The following CACNA2D3 variants were observed in gnomAD, a reference collection of about 807,000 sequenced individuals.
CACNA2D3 encodes calcium voltage-gated channel auxiliary subunit alpha2delta 3, also known as voltage-dependent calcium channel subunit alpha-2/delta-3.
In CACNA2D3, 60 loss-of-function variants were observed where a neutral mutation model predicts 160.6. The observed-to-expected ratio is 0.37, with a 90% CI of 0.30 to 0.46. CACNA2D3 has a LOEUF of 0.46. Among genes scored for constraint, CACNA2D3 ranks in the 20% least tolerant of loss-of-function variants. The probability of loss-of-function intolerance (pLI) is 1.00; values close to 1 mark genes in which losing one functional copy is unlikely to be tolerated. For missense variants in CACNA2D3, 1,205 were observed against 1,365.0 expected, an observed-to-expected ratio of 0.88 and a Z score of 1.85; for synonymous variants, 558 against 492.9, an observed-to-expected ratio of 1.13 and a Z score of -1.75.
intron 2 of CACNA2D3, among the ~76,000 whole-genome samples, chr3:54,214,677 G>C (rs112421743): frequency 8.5e-5 from 13 of 152,306 alleles, no homozygotes; most frequent in African/African-American, 2.9e-4. Context: ...AGGGTGTGGA[G>C]AGGATGCCCC....
intron 10 of CACNA2D3, among the ~76,000 whole-genome samples, chr3:54,635,375 A>G (rs1020714862): frequency 4.6e-5 from 7 of 152,116 alleles, no homozygotes; most frequent in Middle Eastern, 3.4e-3. Context: ...GCACCAGGAG[A>G]TATCAGCTAT....
Position 54,816,869 on chromosome 3 carries a change from A to G in CACNA2D3, c.1397A>G (p.Lys466Arg). Residue 466 changes from lysine (K) to arginine (R), a missense_variant and splice_region_variant, in exon 14 of 38, where the codon AAG (lysine) becomes AGG (arginine). Lys to Arg is a conservative substitution (Grantham distance 26, BLOSUM62 2). Around this residue, in one of 3 missense-constraint regions of CACNA2D3, gnomAD observed 911 missense variants for 1,002.2 expected, o/e 0.91. Transcript: ENST00000474759. ...YIDSTLPQAQ[K>R]LTDDQGPVLM... Reference sequence around the variant, plus strand: ...CCCCTTCAGCTCCCTCAGGCACAAAAGGTAAATTCTCTTCTGTCACATTCC... The same window carrying G: ...CCCCTTCAGCTCCCTCAGGCACAAAGGGTAAATTCTCTTCTGTCACATTCC... The G allele has an allele frequency of 6.2e-7, 1 of 1,613,828 alleles. No homozygotes were observed.
intron 11 of CACNA2D3, among the ~76,000 whole-genome samples, chr3:54,735,418 A>G (rs928633554): frequency 3.3e-5 from 5 of 152,198 alleles, no homozygotes; most frequent in Admixed American, 1.3e-4. Context: ...GTGAAATGCA[A>G]TGAAGGTTGA....
chr3:54,783,385 C>A (rs2107133589), intron 13 of CACNA2D3, among the ~76,000 whole-genome samples: 1 of 152,262 alleles, frequency 6.6e-6, no homozygotes, highest in Non-Finnish European at 1.5e-5. Flanking sequence ...GCAGGCAGAT[C>A]ACTTGAGGTC....
At chr3:54,988,023 G>A (rs1702655141) in intron 31 of CACNA2D3, among the ~76,000 whole-genome samples, 1 of 152,206 alleles carries the variant, frequency 6.6e-6, no homozygotes, top group Non-Finnish European at 1.5e-5. Flanking sequence ...GCACTGTGAT[G>A]TGATTATGTC....
At chr3:54,702,747 A>C (rs1700789593) in intron 11 of CACNA2D3, among the ~76,000 whole-genome samples, 1 of 152,198 alleles carries the variant, frequency 6.6e-6, no homozygotes, top group South Asian at 2.1e-4. Flanking sequence ...GTATACCCAA[A>C]AGAATATAAA....
intron 10 of CACNA2D3, among the ~76,000 whole-genome samples, chr3:54,628,533 T>C (rs1699170973): frequency 6.6e-6 from 1 of 152,216 alleles, no homozygotes. Context: ...ACAGCATTTT[T>C]CTGGCTGCTG....
intron 13 of CACNA2D3, among the ~76,000 whole-genome samples, chr3:54,815,265 G>T (rs1703421790): frequency 6.6e-6 from 1 of 152,156 alleles, no homozygotes; most frequent in Non-Finnish European, 1.5e-5. Context: ...TAAGATAAAA[G>T]TGTTGGAAAT....
intron 27 of CACNA2D3, chr3:54,928,220 A>T (rs1701083487): frequency 2.4e-6 from 1 of 419,480 alleles, no homozygotes; most frequent in African/African-American, 2.0e-5. Context: ...TCAGACGATG[A>T]GCCGCGTAAA....
chr3:54,191,047 C>CAAAAA (rs35592309), intron 2 of CACNA2D3, among the ~76,000 whole-genome samples: 1 of 103,600 alleles, frequency 9.7e-6, no homozygotes, highest in Non-Finnish European at 2.1e-5. Flanking sequence ...TAGGTGGAAG[C>CAAAAA]AAAAAAAAAA....
At chr3:54,551,616 G>A (rs1206343376) in intron 5 of CACNA2D3, among the ~76,000 whole-genome samples, 1 of 152,196 alleles carries the variant, frequency 6.6e-6, no homozygotes, top group Admixed American at 6.5e-5. Context: ...GGCCAGATCA[G>A]AATGGTGTGA....
chr3:54,554,868 C>CTTTTTTTTT (rs1248489904), intron 5 of CACNA2D3, among the ~76,000 whole-genome samples: 1 of 88,172 alleles, frequency 1.1e-5, no homozygotes, highest in Admixed American at 1.5e-4. Flanking sequence ...CTCTCTCACT[C>CTTTTTTTTT]TCTTTTTTTT....
Position 54,808,101 on chromosome 3 carries a change from T to A in CACNA2D3, c.1381-8752T>A, listed in dbSNP as rs1703182646. Among the ~76,000 whole-genome samples the A allele has an allele frequency of 5.3e-5, 8 of 150,050 alleles. No individual in the cohort carries two copies. The South Asian group carries it at 1.7e-3, about 32-fold the overall frequency. On this transcript the variant is annotated intron_variant, in intron 13 of 37. Transcript: ENST00000474759. ...GGATAGCATTAGGAGATATACCTAA[T>A]GCTAAATGATGAGTTAATGGGTGCA...
intron 2 of CACNA2D3, among the ~76,000 whole-genome samples, chr3:54,257,118 T>C (rs1702312576): frequency 1.3e-5 from 2 of 152,224 alleles, no homozygotes; most frequent in Admixed American, 1.3e-4. Context: ...AGTGATGGAA[T>C]AGTCCATTAG....
At chr3:54,471,246 C>G (rs573778032) in intron 4 of CACNA2D3, among the ~76,000 whole-genome samples, 3 of 152,174 alleles carry the variant, frequency 2.0e-5, no homozygotes, top group Non-Finnish European at 4.4e-5. Context: ...GATTAAGAAA[C>G]TCACTCAAAA....
chr3:54,572,535 G>A (rs1313517907), intron 8 of CACNA2D3, among the ~76,000 whole-genome samples: 4 of 152,166 alleles, frequency 2.6e-5, no homozygotes, highest in East Asian at 1.9e-4. Context: ...AAGGTGGCAC[G>A]GTGAAGGCTC....
rs139064355 is a variant in CACNA2D3, at chr3:54,583,704, G to T, written c.963+1827G>T. 3.0e-3 allele frequency among the ~76,000 whole-genome samples: 459 copies of T among 152,232 alleles called. 4 individuals are homozygous for T. Among genetic ancestry groups the T allele is most frequent in the African/African-American group, 0.011 (438 of 41,544 alleles). Reference sequence around the variant, plus strand: ...TTCTCAAAAAGTTTCAGATTTTGGAGAATTTCATATTTTGGATCTTGGATT... The same window carrying T: ...TTCTCAAAAAGTTTCAGATTTTGGATAATTTCATATTTTGGATCTTGGATT... On this transcript the variant is annotated intron_variant, in intron 9 of 37. Coordinates refer to ENST00000474759, the MANE Select transcript of CACNA2D3 (RefSeq NM_018398.3).
chr3:54,939,517 A>C (rs1487025826), intron 27 of CACNA2D3, among the ~76,000 whole-genome samples: 1 of 152,234 alleles, frequency 6.6e-6, no homozygotes, highest in Non-Finnish European at 1.5e-5. Flanking sequence ...GCAGGGCCAC[A>C]GGGAAAAGAG....
At chr3:54,989,842 A>T (rs1258952878) in intron 31 of CACNA2D3, among the ~76,000 whole-genome samples, 3 of 152,146 alleles carry the variant, frequency 2.0e-5, no homozygotes, top group South Asian at 2.1e-4. Flanking sequence ...GTCTCCCTAC[A>T]GGCTTCCTAT....
Sources: gnomAD v4.1 joint callset for allele counts (sites outside exome capture counted in the v4.1 genomes callset) on GRCh38, gnomAD v4.1.1 for gene constraint, gnomAD v4.1.1 regional missense constraint, MANE v1.5 for transcripts, NCBI Gene and HGNC (gene_info 2026-07-23, HGNC 2026-07-21) for gene names.